CTTNBP2NL: variants seen among roughly 807,000 people sequenced by gnomAD.
CTTNBP2NL encodes CTTNBP2 N-terminal-like protein.
CTTNBP2NL carries 16 observed loss-of-function variants against 32.5 expected under a neutral mutation model. That is an observed-to-expected ratio of 0.49 (90% CI 0.33 to 0.75). The LOEUF is 0.75. CTTNBP2NL is among the 30% of genes least tolerant of loss of function. The pLI is 0.02. For synonymous variants in CTTNBP2NL, 298 were observed against 289.4 expected, an observed-to-expected ratio of 1.03 and a Z score of -0.30; for missense variants, 645 against 756.0, an observed-to-expected ratio of 0.85 and a Z score of 1.72.
chr1:112,409,914 G>A (rs1281802133), intron 1 of CTTNBP2NL, among the ~76,000 whole-genome samples: 1 of 152,170 alleles, frequency 6.6e-6, no homozygotes, highest in Non-Finnish European at 1.5e-5. Context: ...GAGGCACAGT[G>A]GGGTAGTTGG....
chr1:112,413,956 G>A (rs1648975754), intron 2 of CTTNBP2NL, among the ~76,000 whole-genome samples: 2 of 152,140 alleles, frequency 1.3e-5, no homozygotes, highest in South Asian at 4.1e-4. Flanking sequence ...GCTGAGGCAG[G>A]AGAATCGCTG....
chr1:112,413,577 A>G (rs1365219328), intron 2 of CTTNBP2NL, among the ~76,000 whole-genome samples: 3 of 152,210 alleles, frequency 2.0e-5, no homozygotes, highest in Admixed American at 6.5e-5. Flanking sequence ...GCATCTGACT[A>G]CCAAGCTACA....
intron 1 of CTTNBP2NL, among the ~76,000 whole-genome samples, chr1:112,400,835 C>T (rs952086366): frequency 6.6e-6 from 1 of 151,470 alleles, no homozygotes; most frequent in African/African-American, 2.4e-5. Context: ...CATGGTGGCA[C>T]GTGCCTGTAG....
intron 5 of CTTNBP2NL, among the ~76,000 whole-genome samples, chr1:112,455,374 G>A (rs536164160): frequency 2.6e-5 from 4 of 152,156 alleles, no homozygotes; most frequent in African/African-American, 4.8e-5. Context: ...GTGTGGTGGC[G>A]CATGACTGAT....
intron 1 of CTTNBP2NL, among the ~76,000 whole-genome samples, chr1:112,405,895 C>T (rs12066365): frequency 0.018 from 2,719 of 152,190 alleles, 94 homozygotes; most frequent in African/African-American, 0.063. Context: ...CTTAAAAAGA[C>T]ATGTATGCGG....
At chr1:112,407,478 C>T (rs962237068) in intron 1 of CTTNBP2NL, among the ~76,000 whole-genome samples, 1 of 152,178 alleles carries the variant, frequency 6.6e-6, no homozygotes, top group Non-Finnish European at 1.5e-5. Flanking sequence ...GTCTATATCT[C>T]TATTTCCTCT....
At chr1:112,404,088 G>A (rs1346384483) in intron 1 of CTTNBP2NL, among the ~76,000 whole-genome samples, 1 of 152,190 alleles carries the variant, frequency 6.6e-6, no homozygotes, top group Non-Finnish European at 1.5e-5. Flanking sequence ...AAAAACTGAA[G>A]TTCAAAGGTT....
At chr1:112,393,917 G>A (rs1648243554), upstream of CTTNBP2NL, among the ~76,000 whole-genome samples, 2 of 152,042 alleles carry the variant, frequency 1.3e-5, no homozygotes, top group African/African-American at 4.8e-5. Flanking sequence ...GGGAAAGAAA[G>A]GAGGACCTGC....
chr1:112,442,729 C>T (rs1649931852), intron 3 of CTTNBP2NL, among the ~76,000 whole-genome samples: 1 of 151,804 alleles, frequency 6.6e-6, no homozygotes, highest in South Asian at 2.1e-4. Context: ...CTCGCTCTGT[C>T]GCCCAGGCTG....
intron 3 of CTTNBP2NL, among the ~76,000 whole-genome samples, chr1:112,443,318 A>AT (rs1213473114): frequency 6.6e-6 from 1 of 152,090 alleles, no homozygotes; most frequent in Non-Finnish European, 1.5e-5. Flanking sequence ...GGTTCAAGTG[A>AT]TTCTCGTGCC....
chr1:112,442,805 C>T (rs1302300791), intron 3 of CTTNBP2NL, among the ~76,000 whole-genome samples: 2 of 152,096 alleles, frequency 1.3e-5, no homozygotes, highest in Non-Finnish European at 2.9e-5. Flanking sequence ...ATTCTCCTGC[C>T]TCAGCCTCCC....
intron 3 of CTTNBP2NL, among the ~76,000 whole-genome samples, chr1:112,433,618 A>G (rs898023153): frequency 2.0e-5 from 3 of 152,158 alleles, no homozygotes; most frequent in African/African-American, 7.2e-5. Flanking sequence ...TAATAATAAT[A>G]AAATTCCCTG....
At chr1:112,404,867 A>G (rs1557883792) in intron 1 of CTTNBP2NL, among the ~76,000 whole-genome samples, 1 of 152,132 alleles carries the variant, frequency 6.6e-6, no homozygotes, top group Non-Finnish European at 1.5e-5. Flanking sequence ...GCTTGACCAA[A>G]ATGGAGGAAC....
intron 3 of CTTNBP2NL, among the ~76,000 whole-genome samples, chr1:112,423,418 C>T (rs960966228): frequency 1.3e-5 from 2 of 151,984 alleles, no homozygotes; most frequent in Non-Finnish European, 1.5e-5. Flanking sequence ...TTAATTAGCT[C>T]GATTTTGCCA....
chr1:112,437,113 T>C lies in CTTNBP2NL; in HGVS notation c.100-11829T>C, dbSNP rs150907080. ...GCTGCAGTGGATATTCACGTGCATG[T>C]CTTTATGGTAGAATGACTTATATTC... On this transcript the variant is annotated intron_variant, in intron 3 of 5. Transcript: ENST00000271277. 3.4e-3 allele frequency among the ~76,000 whole-genome samples: 525 copies of C among 152,322 alleles called. 3 individuals carry two copies. The highest frequency in any genetic ancestry group is 0.012 in the African/African-American group (488 of 41,568).
At chr1:112,407,042 C>T (rs1205271837) in intron 1 of CTTNBP2NL, among the ~76,000 whole-genome samples, 3 of 152,192 alleles carry the variant, frequency 2.0e-5, no homozygotes, top group Admixed American at 6.6e-5. Context: ...CATCTTTCCT[C>T]GTGGGATCCT....
At chr1:112,425,588 C>T (rs895297965) in intron 3 of CTTNBP2NL, among the ~76,000 whole-genome samples, 1 of 151,810 alleles carries the variant, frequency 6.6e-6, no homozygotes, top group Non-Finnish European at 1.5e-5. Flanking sequence ...TGGGGGCCCA[C>T]GACGGTGGCT....
chr1:112,451,779 A>AG (rs1373010273), intron 4 of CTTNBP2NL, among the ~76,000 whole-genome samples: 12 of 125,556 alleles, frequency 9.6e-5, no homozygotes, highest in African/African-American at 3.2e-4. Flanking sequence ...AAAAAAAAAA[A>AG]AAAAACACAA....
intron 3 of CTTNBP2NL, among the ~76,000 whole-genome samples, chr1:112,436,554 C>A (rs146135025): frequency 1.3e-5 from 2 of 152,088 alleles, no homozygotes; most frequent in African/African-American, 4.8e-5. Flanking sequence ...CACTGTGTTG[C>A]CCAGGCTGGT....
Sources: allele counts gnomAD v4.1 joint callset (sites outside exome capture counted in the v4.1 genomes callset), GRCh38; gene constraint gnomAD v4.1.1; transcripts MANE v1.5; gene names NCBI Gene and HGNC (gene_info 2026-07-23, HGNC 2026-07-21).